The following CAST variants were observed in gnomAD, a reference collection of about 807,000 sequenced individuals.
CAST encodes calpastatin.
Under a neutral mutation model 119.6 loss-of-function variants are expected in CAST, and 76 were observed. The ratio of observed to expected loss-of-function variants is 0.64; its 90% CI spans 0.53 to 0.77. The LOEUF (loss-of-function observed/expected upper bound fraction) is 0.77, where lower values mean the gene tolerates loss of function less well. CAST is among the 30% of genes least tolerant of loss of function. The pLI, the probability that CAST is intolerant of heterozygous loss-of-function variation, is 0.00. For missense variants in CAST, 953 were observed against 946.5 expected (o/e 1.01, Z -0.09); for synonymous variants, 319 against 331.6 (o/e 0.96, Z 0.41).
the CAST span, among the ~76,000 whole-genome samples, chr5:96,117,539 T>G: frequency 2.6e-5 from 4 of 152,238 alleles, no homozygotes; most frequent in South Asian, 8.3e-4. Context: ...GCGTGTCAGA[T>G]GTGCAGAAAG....
the CAST span, chr5:96,408,151 GA>G: frequency 2.3e-3 from 2,498 of 1,103,264 alleles, 55 homozygotes; most frequent in African/African-American, 0.035. Flanking sequence ...CATGTATTCA[GA>G]AAAAAAAGTG....
the CAST span, among the ~76,000 whole-genome samples, chr5:96,350,648 C>T: frequency 6.6e-6 from 1 of 152,032 alleles, no homozygotes. Flanking sequence ...CCCAGCTTGA[C>T]TTTTTTCTTT....
At chr5:96,447,464 A>G in the CAST span, among the ~76,000 whole-genome samples, 2 of 152,200 alleles carry the variant, frequency 1.3e-5, no homozygotes, top group Admixed American at 1.3e-4. Context: ...ACACACACTC[A>G]TCCACATACA....
intron 1 of CAST, among the ~76,000 whole-genome samples, chr5:96,558,741 G>A (rs1746295872): frequency 6.6e-6 from 1 of 152,162 alleles, no homozygotes; most frequent in African/African-American, 2.4e-5. Context: ...AAAAAGTCCA[G>A]GACCAGATGG....
In CAST at chr5:96,736,204, G is replaced by T. The variant is rs59522190; in HGVS notation, c.663G>T (p.Val221=). The change falls in exon 10 of 32, where the codon GTG becomes GTT. Residue 221 remains valine (V), a synonymous_variant. Transcript: ENST00000675179. ...AAAAGAAATCATTAACCCCAGCTGT[G>T]CCAGTTGAATCTAAACCGGATAAAC... is the stretch of plus-strand genomic sequence containing the variant. ...KKEKKSLTPA[V]PVESKPDKPS... 4.4e-3 allele frequency: 7,068 copies of T among 1,612,732 alleles called. 262 individuals carry two copies. In the African/African-American group the frequency reaches 0.082, roughly 19 times the overall value.
chr5:96,433,055 C>T, the CAST span: 3 of 1,613,192 alleles, frequency 1.9e-6, no homozygotes, highest in African/African-American at 1.3e-5. Context: ...CTCACACACT[C>T]GCTTGAACAA....
chr5:96,451,411 A>G, the CAST span, among the ~76,000 whole-genome samples: 1 of 152,232 alleles, frequency 6.6e-6, no homozygotes. Context: ...CCTATTTAAT[A>G]AATGGTGTTG....
chr5:96,741,696 G>T lies in CAST; in HGVS notation c.1098+116G>T, dbSNP rs554244471. The T allele has an allele frequency of 5.8e-5, 40 of 686,596 alleles. No homozygotes were observed. In the South Asian group the frequency reaches 7.0e-4, roughly 12 times the overall value. 42.5% of individuals were successfully genotyped at this position (686,596 alleles called of 1,614,324 possible). On this transcript the variant is annotated intron_variant, in intron 15 of 31. Transcript: ENST00000675179. ...GAAGCCATGATTTTTTCCCTCTCAGGTCTATGTGGAATAGTGAAGCCAATG... is the reference window on the plus strand; with the variant it reads ...GAAGCCATGATTTTTTCCCTCTCAGTTCTATGTGGAATAGTGAAGCCAATG...
At chr5:96,201,142 C>T in the CAST span, among the ~76,000 whole-genome samples, 1 of 151,992 alleles carries the variant, frequency 6.6e-6, no homozygotes, top group Non-Finnish European at 1.5e-5. Flanking sequence ...GAATTATTTT[C>T]CTACTATAAT....
chr5:96,675,940 A>C (rs1302446575), intron 2 of CAST: 1 of 189,424 alleles, frequency 5.3e-6, no homozygotes, highest in East Asian at 1.3e-4. Context: ...AAAAAGGAAA[A>C]TCTTTTTTTA....
At chr5:96,038,382 A>T in the CAST span, among the ~76,000 whole-genome samples, 1 of 151,808 alleles carries the variant, frequency 6.6e-6, no homozygotes, top group Admixed American at 6.6e-5. Flanking sequence ...TTTTTTAAAA[A>T]TTATTATACT....
chr5:96,771,637 C>G lies in CAST; in HGVS notation c.2341-7C>G, dbSNP rs763396323. The G allele has an allele frequency of 1.2e-6, 2 of 1,610,846 alleles. No individual in the cohort carries two copies. Among genetic ancestry groups the G allele is most frequent in the East Asian group, 2.2e-5 (1 of 44,756 alleles). The stretch of plus-strand genomic sequence containing the variant: ...AAGCTCACGGATGGTTTTGCTTTCC[C>G]TTTTAGACAACAGAGGAAACTTCCA... On this transcript the variant is annotated splice_polypyrimidine_tract_variant and splice_region_variant and intron_variant, in intron 30 of 31. Transcript: ENST00000675179.
At chr5:96,228,139 G>C in the CAST span, among the ~76,000 whole-genome samples, 7 of 152,138 alleles carry the variant, frequency 4.6e-5, no homozygotes, top group East Asian at 1.4e-3. Context: ...CCTATGAGGT[G>C]GCAAGACTAA....
chr5:96,250,166 C>G, the CAST span, among the ~76,000 whole-genome samples: 800 of 152,268 alleles, frequency 5.3e-3, 7 homozygotes, highest in African/African-American at 0.018. Context: ...GATTGATGAA[C>G]TTTGGAACTG....
chr5:96,316,149 G>T, the CAST span, among the ~76,000 whole-genome samples: 1 of 152,192 alleles, frequency 6.6e-6, no homozygotes, highest in Non-Finnish European at 1.5e-5. Context: ...TAGGTAACCA[G>T]AATAGTGAAT....
the CAST span, among the ~76,000 whole-genome samples, chr5:96,441,397 G>C: frequency 6.6e-6 from 1 of 151,950 alleles, no homozygotes; most frequent in Non-Finnish European, 1.5e-5. Flanking sequence ...CCCGTTGAGA[G>C]AGCCAGAGCA....
chr5:96,126,812 G>A, the CAST span, among the ~76,000 whole-genome samples: 1 of 152,046 alleles, frequency 6.6e-6, no homozygotes, highest in South Asian at 2.1e-4. Flanking sequence ...TTCCTTTTTA[G>A]GTGAGAAAAT....
At chr5:96,690,639 T>A (rs541836635) in intron 2 of CAST, among the ~76,000 whole-genome samples, 1 of 152,264 alleles carries the variant, frequency 6.6e-6, no homozygotes, top group East Asian at 1.9e-4. Context: ...GCACTTGCAG[T>A]AGCACACATT....
chr5:96,288,172 T>C, the CAST span, among the ~76,000 whole-genome samples: 2 of 152,156 alleles, frequency 1.3e-5, no homozygotes, highest in African/African-American at 4.8e-5. Context: ...TGGGTGCACC[T>C]GGAAAGAATG....
Sources: allele counts gnomAD v4.1 joint callset (sites outside exome capture counted in the v4.1 genomes callset), GRCh38; gene constraint gnomAD v4.1.1; transcripts MANE v1.5; gene names NCBI Gene and HGNC (gene_info 2026-07-23, HGNC 2026-07-21).